TUBGCP4: variants seen among roughly 807,000 people sequenced by gnomAD.
The protein encoded by TUBGCP4 is tubulin gamma complex component 4.
A neutral mutation model predicts 91.6 loss-of-function variants in TUBGCP4; 54 were observed. The ratio of observed to expected loss-of-function variants is 0.59; its 90% CI spans 0.47 to 0.74. The LOEUF (loss-of-function observed/expected upper bound fraction) is 0.74. Ranked by LOEUF, TUBGCP4 falls within the 30% of genes least tolerant of loss-of-function variation. TUBGCP4 has a pLI of 0.00. For missense variants in TUBGCP4, 593 were observed against 800.9 expected, an observed-to-expected ratio of 0.74 and a Z score of 3.13; for synonymous variants, 297 against 302.8, an observed-to-expected ratio of 0.98 and a Z score of 0.20.
Position 43,400,106 on chromosome 15 carries a change from G to A in TUBGCP4, c.1481G>A (p.Cys494Tyr), listed in dbSNP as rs766750629. ...CGGGTGCAAGCTGAGCTGCAGCACT[G>A]CTGGGCCCTACAAATGCAGCGCAAG... ...VRRVQAELQH[C>Y]WALQMQRKHL... is the part of the protein sequence containing the mutation. The change falls in exon 14 of 18, where the codon TGC (cysteine) becomes TAC (tyrosine). Residue 494 changes from cysteine (C) to tyrosine (Y), a missense_variant. Transcript: ENST00000564079. 4.3e-6 allele frequency: 7 copies of A among 1,614,064 alleles called. No homozygotes were observed. The African/African-American group carries it at 9.3e-5, about 22-fold the overall frequency.
At chr15:43,373,268 A>G (rs1330091753) in intron 1 of TUBGCP4, among the ~76,000 whole-genome samples, 2 of 152,222 alleles carry the variant, frequency 1.3e-5, no homozygotes, top group African/African-American at 2.4e-5. Context: ...GCCTGTTCCT[A>G]TAACTGTGTT....
chr15:43,381,568 C>G (rs779035634), intron 6 of TUBGCP4, among the ~76,000 whole-genome samples: 1 of 152,056 alleles, frequency 6.6e-6, no homozygotes, highest in Admixed American at 6.6e-5. Context: ...GAGACCCTGT[C>G]TGTACCAAAA....
At chr15:43,377,671 T>C (rs1471510868) in intron 4 of TUBGCP4, 176 bp from the exon 5 acceptor site, 1 of 561,830 alleles carries the variant, frequency 1.8e-6, no homozygotes, top group East Asian at 3.4e-5. Flanking sequence ...GCCATCCTCT[T>C]CCTATCTGCA....
chr15:43,395,782 G>A, intron 11 of TUBGCP4, 94 bp downstream of exon 11: 3 of 991,666 alleles, frequency 3.0e-6, no homozygotes, highest in Non-Finnish European at 3.2e-6. Flanking sequence ...CTCCACATAA[G>A]AGCAGCCTGA....
chr15:43,381,649 T>A (rs2044286986), intron 6 of TUBGCP4, among the ~76,000 whole-genome samples: 2 of 152,134 alleles, frequency 1.3e-5, no homozygotes, highest in Non-Finnish European at 2.9e-5. Flanking sequence ...GAAGGATTGC[T>A]TTAGCCCAGG....
At chr15:43,394,514 A>C (rs1006868985) in intron 9 of TUBGCP4, 4 of 152,186 alleles carry the variant, frequency 2.6e-5, no homozygotes, top group African/African-American at 9.7e-5. Context: ...CAAGGATACT[A>C]AGATTTTCTC....
intron 9 of TUBGCP4, among the ~76,000 whole-genome samples, chr15:43,392,601 C>T (rs368814034): frequency 3.3e-5 from 5 of 152,030 alleles, no homozygotes; most frequent in East Asian, 3.8e-4. Flanking sequence ...CGGGTTCAAG[C>T]GATTCTCCTG....
intron 5 of TUBGCP4, among the ~76,000 whole-genome samples, chr15:43,378,410 T>C (rs1366781250): frequency 6.6e-6 from 1 of 152,332 alleles, no homozygotes; most frequent in East Asian, 1.9e-4. Flanking sequence ...TTAATAAGTC[T>C]GAGGAATAAA....
Position 43,371,235 on chromosome 15 carries a change from C to A in TUBGCP4, c.-120C>A. Reference sequence around the variant, plus strand: ...ATTGTCTCGGTGGGTTGATTCGGCACAAACCGCCCGACCCAGGGGCCGGTG... The same window carrying A: ...ATTGTCTCGGTGGGTTGATTCGGCAAAAACCGCCCGACCCAGGGGCCGGTG... On this transcript the variant is annotated 5_prime_UTR_variant, in exon 1 of 18. Coordinates refer to ENST00000564079, the MANE Select transcript of TUBGCP4 (RefSeq NM_014444.5). 1 of 1,069,626 alleles carries A rather than the reference C, an allele frequency of 9.3e-7. No homozygotes were observed. Among genetic ancestry groups the A allele is most frequent in the Non-Finnish European group, 1.4e-6 (1 of 723,626 alleles). 66.3% of individuals were successfully genotyped at this position (1,069,626 alleles called of 1,614,324 possible).
At chr15:43,397,463 A>G in intron 12 of TUBGCP4, 142 bp downstream of exon 12, 1 of 666,052 alleles carries the variant, frequency 1.5e-6, no homozygotes, top group South Asian at 1.8e-5. Context: ...TCTATAGAGA[A>G]GAAAAGGAAA....
intron 13 of TUBGCP4, among the ~76,000 whole-genome samples, chr15:43,399,501 C>T (rs1019038421): frequency 6.6e-6 from 1 of 152,172 alleles, no homozygotes; most frequent in African/African-American, 2.4e-5. Context: ...GGCACCACCA[C>T]ACCTGGCTAA....
chr15:43,392,927 A>G (rs1256244586), intron 9 of TUBGCP4, among the ~76,000 whole-genome samples: 11 of 150,992 alleles, frequency 7.3e-5, no homozygotes, highest in African/African-American at 2.0e-4. Context: ...CTTTCATCCC[A>G]CTCTTCCTAC....
intron 9 of TUBGCP4, among the ~76,000 whole-genome samples, chr15:43,393,313 G>A (rs1244359543): frequency 2.0e-5 from 3 of 151,024 alleles, no homozygotes; most frequent in Non-Finnish European, 3.0e-5. Context: ...GGGTTCAAGC[G>A]ATTCCCCTGC....
intron 16 of TUBGCP4, 133 bp downstream of exon 16, chr15:43,403,932 G>A (rs1182190344): frequency 1.7e-5 from 11 of 663,772 alleles, no homozygotes; most frequent in East Asian, 1.3e-4. Context: ...AAGATACAAA[G>A]ATAAAAATGT....
chr15:43,373,645 CTTTTT>C (rs767035742), intron 1 of TUBGCP4, among the ~76,000 whole-genome samples: 1 of 129,654 alleles, frequency 7.7e-6, no homozygotes, highest in Admixed American at 7.8e-5. Flanking sequence ...AGACCAGGTT[CTTTTT>C]TTTTTTTTTT....
In TUBGCP4 at chr15:43,386,344, CGTATATATATAT is replaced by C. The variant is rs1363267611; in HGVS notation, c.1014+15_1014+26del. 100 of 245,612 alleles carry C rather than the reference CGTATATATATAT, an allele frequency of 4.1e-4. 17 individuals carry two copies. Among genetic ancestry groups the C allele is most frequent in the African/African-American group, 6.3e-4 (5 of 7,940 alleles). 15.2% of individuals were successfully genotyped at this position (245,612 alleles called of 1,614,324 possible). On this transcript the variant is annotated intron_variant, in intron 9 of 17. Transcript: ENST00000564079. ...ACTGTGGCTGAGGTTTGTGTTTCAT[CGTATATATATAT>C]ATATATATATATATATATATATTTT...
chr15:43,377,269 G>A (rs559121569), intron 4 of TUBGCP4, among the ~76,000 whole-genome samples: 28 of 152,144 alleles, frequency 1.8e-4, no homozygotes, highest in African/African-American at 6.5e-4. Context: ...TGATATTAAC[G>A]CTAATGTTAC....
chr15:43,393,634 C>T (rs992786397), intron 9 of TUBGCP4, among the ~76,000 whole-genome samples: 2 of 151,738 alleles, frequency 1.3e-5, no homozygotes, highest in Non-Finnish European at 2.9e-5. Context: ...GTGTGATGTT[C>T]CCCTTCCTGT....
chr15:43,406,545 G>A lies in TUBGCP4; in HGVS notation c.*1331G>A. ...GCCCTCACAGCAAAGGCGAGTAGTT[G>A]TGATGGATCAAATGGCCCACAAAGC... On this transcript the variant is annotated 3_prime_UTR_variant, in exon 18 of 18. Transcript: ENST00000564079. 2.2e-6 allele frequency: 1 copy of A among 455,488 alleles called. No individual in the cohort carries two copies. The highest frequency in any genetic ancestry group is 4.4e-6 in the Non-Finnish European group (1 of 226,610). The allele number at this position is 455,488 out of a possible 1,614,324, so 28.2% of individuals were successfully genotyped here.
Sources: gnomAD v4.1 joint callset for allele counts (sites outside exome capture counted in the v4.1 genomes callset) on GRCh38, gnomAD v4.1.1 for gene constraint, MANE v1.5 for transcripts, NCBI Gene and HGNC (gene_info 2026-07-23, HGNC 2026-07-21) for gene names.